STXBP5: variants seen among roughly 807,000 people sequenced by gnomAD.
STXBP5 encodes syntaxin-binding protein 5.
STXBP5 carries 50 observed loss-of-function variants against 152.4 expected under a neutral mutation model. The ratio of observed to expected loss-of-function variants is 0.33; its 90% confidence interval spans 0.26 to 0.42. STXBP5 has a LOEUF of 0.42. STXBP5 is among the 10% of genes least tolerant of loss of function. The probability of loss-of-function intolerance (pLI) is 1.00; values close to 1 mark genes in which losing one functional copy is unlikely to be tolerated. For missense variants in STXBP5, 1,167 were observed against 1,388.6 expected (o/e 0.84, Z 2.54); for synonymous variants, 492 against 494.7 (o/e 0.99, Z 0.07).
rs1374157568 is a variant in STXBP5 at position 147,390,111 on chromosome 6, T to G, written c.*5356T>G. The stretch of plus-strand genomic sequence containing the variant: ...TGCTGCACTTTTTATTTAATCTTGC[T>G]CAGTCCCAGTAACTATCTCAAAGGT... On this transcript the variant is annotated 3_prime_UTR_variant, in exon 28 of 28. Coordinates refer to ENST00000321680, the MANE Select transcript of STXBP5 (RefSeq NM_001127715.4). 1 of 151,986 alleles carries G rather than the reference T, an allele frequency of 6.6e-6. No homozygotes were observed. The highest frequency in any genetic ancestry group is 1.9e-4 in the East Asian group (1 of 5,184). 9.4% of individuals were successfully genotyped at this position (151,986 alleles called of 1,614,324 possible).
chr6:147,253,758 AAGG>A (rs1779217468), intron 4 of STXBP5, among the ~76,000 whole-genome samples: 1 of 152,198 alleles, frequency 6.6e-6, no homozygotes, highest in Non-Finnish European at 1.5e-5. Context: ...AGACCTCTTC[AAGG>A]AGAACTACAA....
In STXBP5 at chr6:147,291,185, T is replaced by G; in HGVS notation, c.917+13T>G. 6.2e-7 allele frequency: 1 copy of G among 1,606,980 alleles called. No individual in the cohort carries two copies. Among genetic ancestry groups the G allele is most frequent in the Non-Finnish European group, 8.5e-7 (1 of 1,175,038 alleles). On this transcript the variant is annotated intron_variant, in intron 9 of 27. Transcript: ENST00000321680. The stretch of plus-strand genomic sequence containing the variant: ...CGACTAGATCTGGGTAAGATTTTAC[T>G]TCATTGCCAATGTTCATTGTATATA...
Position 147,334,230 on chromosome 6 carries a change from G to T in STXBP5, c.2146+8G>T. 2 of 1,607,904 alleles carry T rather than the reference G, an allele frequency of 1.2e-6. No individual in the cohort carries two copies. On this transcript the variant is annotated splice_region_variant and intron_variant, in intron 19 of 27. Coordinates refer to ENST00000321680, the MANE Select transcript of STXBP5 (RefSeq NM_001127715.4). The stretch of plus-strand genomic sequence containing the variant: ...GCAAATCTCCAACCTCTGGTAATTT[G>T]GTTTTTTTTTATTTCATTAATAATT...
At chr6:147,277,406 G>T (rs1780494190) in intron 7 of STXBP5, among the ~76,000 whole-genome samples, 1 of 151,996 alleles carries the variant, frequency 6.6e-6, no homozygotes. Flanking sequence ...ATGGGAGAGT[G>T]ATTTAAAAAG....
rs115659381 is a variant in STXBP5, at chr6:147,381,450, G to A, written c.3194-1328G>A. On this transcript the variant is annotated intron_variant, in intron 26 of 27. Transcript: ENST00000321680. ...TATTACTGGTTGAAATGTAAAATGG[G>A]TGCACCCTCTTTGGAAAACTGATGG... Among the ~76,000 whole-genome samples, 905 of 152,110 alleles carry A rather than the reference G, an allele frequency of 5.9e-3. 10 individuals are homozygous for A. Among genetic ancestry groups the A allele is most frequent in the African/African-American group, 0.021 (875 of 41,496 alleles).
At chr6:147,375,808 T>C (rs1451288918) in intron 26 of STXBP5, among the ~76,000 whole-genome samples, 1 of 151,844 alleles carries the variant, frequency 6.6e-6, no homozygotes, top group Non-Finnish European at 1.5e-5. Context: ...AGAGAAAAAT[T>C]ATAGATATTT....
intron 27 of STXBP5, among the ~76,000 whole-genome samples, chr6:147,383,681 A>G (rs1263173061): frequency 6.6e-6 from 1 of 152,108 alleles, no homozygotes; most frequent in African/African-American, 2.4e-5. Flanking sequence ...TCTAGTTCCT[A>G]GGCTGGCCCT....
intron 4 of STXBP5, among the ~76,000 whole-genome samples, chr6:147,251,030 G>C (rs1779061575): frequency 6.7e-6 from 1 of 150,150 alleles, no homozygotes; most frequent in Non-Finnish European, 1.5e-5. Flanking sequence ...CCAATCTGCA[G>C]CTCCCAGCAA....
intron 21 of STXBP5, among the ~76,000 whole-genome samples, chr6:147,339,647 G>C (rs1243894615): frequency 6.6e-6 from 1 of 151,904 alleles, no homozygotes; most frequent in African/African-American, 2.4e-5. Context: ...AAATAAAGCA[G>C]GGTTCAATTT....
chr6:147,252,762 G>A (rs1324381275), intron 4 of STXBP5, among the ~76,000 whole-genome samples: 2 of 152,098 alleles, frequency 1.3e-5, no homozygotes, highest in East Asian at 1.9e-4. Context: ...GCAACCCCAA[G>A]ACACACAATT....
At chr6:147,287,307 A>G (rs1236339676) in intron 8 of STXBP5, among the ~76,000 whole-genome samples, 1 of 133,570 alleles carries the variant, frequency 7.5e-6, no homozygotes, top group Non-Finnish European at 1.5e-5. Flanking sequence ...GGTTCATGCC[A>G]TTCTCCTGCC....
At chr6:147,255,385 A>G (rs965917593) in intron 4 of STXBP5, among the ~76,000 whole-genome samples, 1 of 152,180 alleles carries the variant, frequency 6.6e-6, no homozygotes, top group Non-Finnish European at 1.5e-5. Context: ...CAGAGTCACA[A>G]AGTCATGAAG....
At chr6:147,226,116 C>T (rs988440639) in intron 2 of STXBP5, among the ~76,000 whole-genome samples, 5 of 151,952 alleles carry the variant, frequency 3.3e-5, no homozygotes, top group Non-Finnish European at 7.4e-5. Context: ...GGAAACATAG[C>T]GAGACCTTGG....
chr6:147,228,948 A>T (rs1777864828), intron 2 of STXBP5, among the ~76,000 whole-genome samples: 1 of 152,106 alleles, frequency 6.6e-6, no homozygotes, highest in Non-Finnish European at 1.5e-5. Context: ...TATTCTTTAC[A>T]TGATCAACAT....
chr6:147,254,866 G>T (rs1346926483), intron 4 of STXBP5, among the ~76,000 whole-genome samples: 3 of 152,230 alleles, frequency 2.0e-5, no homozygotes, highest in Admixed American at 6.5e-5. Flanking sequence ...TACTTTGTTG[G>T]TGGGAGTGTA....
intron 2 of STXBP5, among the ~76,000 whole-genome samples, chr6:147,233,557 A>C (rs1778117513): frequency 6.6e-6 from 1 of 151,770 alleles, no homozygotes; most frequent in South Asian, 2.1e-4. Context: ...ATCTGGTCTC[A>C]GAAGAGAGGT....
chr6:147,261,168 T>C (rs1004656130), intron 5 of STXBP5, among the ~76,000 whole-genome samples: 8 of 152,066 alleles, frequency 5.3e-5, no homozygotes, highest in African/African-American at 1.9e-4. Context: ...GTTTTAATAA[T>C]CATCAAATAT....
intron 26 of STXBP5, among the ~76,000 whole-genome samples, chr6:147,381,988 A>G (rs1006205093): frequency 5.3e-5 from 8 of 152,172 alleles, no homozygotes; most frequent in African/African-American, 1.9e-4. Context: ...GAATAAAGTA[A>G]AAATCACCAA....
intron 21 of STXBP5, among the ~76,000 whole-genome samples, chr6:147,345,096 G>C (rs1784263390): frequency 6.6e-6 from 1 of 152,090 alleles, no homozygotes; most frequent in South Asian, 2.1e-4. Flanking sequence ...TAACAGGTCT[G>C]TATTTAATTT....
Sources: allele counts gnomAD v4.1 joint callset (sites outside exome capture counted in the v4.1 genomes callset), GRCh38; gene constraint gnomAD v4.1.1; transcripts MANE v1.5; gene names NCBI Gene and HGNC (gene_info 2026-07-23, HGNC 2026-07-21).